ETFA: variants seen among roughly 807,000 people sequenced by gnomAD.
The protein encoded by ETFA is electron transfer flavoprotein subunit alpha, mitochondrial.
Under a neutral mutation model 46.2 loss-of-function variants are expected in ETFA, and 22 were observed. That is an observed-to-expected ratio of 0.48 (90% CI 0.34 to 0.68). The LOEUF (loss-of-function observed/expected upper bound fraction) is 0.68, where lower values mean the gene tolerates loss of function less well. ETFA is among the 30% of genes least tolerant of loss of function. The pLI is 0.01. For synonymous variants in ETFA, 131 were observed against 139.9 expected (o/e 0.94, Z 0.45); for missense variants, 345 against 401.1 (o/e 0.86, Z 1.19).
rs1157687784 is a variant in ETFA, at chr15:76,295,936, C to CTTTTTTTTTTTTT, written c.40-212_40-200dup. ...TGTCTATCACTGTACCACTAATATT[C>CTTTTTTTTTTTTT]TTTTTTTTTTTTTTTTTTTTTTTGA... On this transcript the variant is annotated intron_variant, in intron 1 of 11. Coordinates refer to ENST00000557943, the MANE Select transcript of ETFA (RefSeq NM_000126.4). Among the ~76,000 whole-genome samples, 25 of 46,600 alleles carry CTTTTTTTTTTTTT rather than the reference C, an allele frequency of 5.4e-4. 4 individuals are homozygous for CTTTTTTTTTTTTT. The highest frequency in any genetic ancestry group is 8.1e-4 in the Admixed American group (2 of 2,472). The allele number at this position is 46,600 out of a possible 152,430, so 30.6% of individuals were successfully genotyped here. A position where few individuals can be genotyped will look rare whatever the true frequency, so the allele number is the denominator to read the frequency against.
intron 9 of ETFA, among the ~76,000 whole-genome samples, chr15:76,256,262 G>GAAAAAAAA (rs59670988): frequency 2.1e-5 from 2 of 95,712 alleles, no homozygotes; most frequent in Non-Finnish European, 4.2e-5. Flanking sequence ...CCGTCTCAAG[G>GAAAAAAAA]AAAAAAAAAA....
intron 10 of ETFA, chr15:76,230,170 AT>A (rs1304680492): frequency 2.7e-5 from 4 of 149,022 alleles, no homozygotes; most frequent in Non-Finnish European, 5.9e-5. Flanking sequence ...TCTCAAAAAA[AT>A]AAATAAATAA....
intron 9 of ETFA, among the ~76,000 whole-genome samples, chr15:76,257,284 A>G (rs1175163694): frequency 6.6e-6 from 1 of 152,192 alleles, no homozygotes; most frequent in Non-Finnish European, 1.5e-5. Context: ...AGTTGGCACT[A>G]AAGTTCACCA....
intron 4 of ETFA, among the ~76,000 whole-genome samples, chr15:76,291,673 C>A (rs2039764704): frequency 6.6e-6 from 1 of 151,994 alleles, no homozygotes; most frequent in Non-Finnish European, 1.5e-5. Context: ...TGGCGTGAAC[C>A]CCGGGGGGCG....
intron 5 of ETFA, 162 bp downstream of exon 5, chr15:76,287,684 A>G (rs922909556): frequency 8.6e-6 from 5 of 583,102 alleles, no homozygotes; most frequent in Admixed American, 7.6e-5. Flanking sequence ...ATGCCATGTC[A>G]AGGGCCACCA....
intron 9 of ETFA, 21 bp downstream of exon 9, chr15:76,274,391 A>G: frequency 6.5e-7 from 1 of 1,549,868 alleles, no homozygotes; most frequent in Non-Finnish European, 8.9e-7. Flanking sequence ...TTTACACAGC[A>G]TATTTTATTG....
intron 9 of ETFA, among the ~76,000 whole-genome samples, chr15:76,265,969 T>C (rs1247915691): frequency 6.6e-6 from 1 of 152,108 alleles, no homozygotes; most frequent in African/African-American, 2.4e-5. Context: ...GGTGGAGCAA[T>C]GGCCACTGAA....
At chr15:76,222,307 ATAAT>A (rs1460837580) in intron 11 of ETFA, among the ~76,000 whole-genome samples, 1 of 147,002 alleles carries the variant, frequency 6.8e-6, no homozygotes, top group Non-Finnish European at 1.5e-5. Flanking sequence ...ATTAAGAAAT[ATAAT>A]TATACAAATA....
In ETFA at chr15:76,223,228, T is replaced by G. The variant is rs560694913; in HGVS notation, c.963+2621A>C. Among the ~76,000 whole-genome samples the G allele has an allele frequency of 2.4e-3, 365 of 150,304 alleles. 2 individuals carry two copies. The highest frequency in any genetic ancestry group is 8.4e-3 in the African/African-American group (345 of 41,096). ...CTGTACTTCAGAACTTTTTTTTTTT[T>G]TTTTTTTGAGACAGAGTCTTGCTCT... On this transcript the variant is annotated intron_variant, in intron 11 of 11. Transcript: ENST00000557943.
intron 9 of ETFA, among the ~76,000 whole-genome samples, chr15:76,271,867 G>A (rs933954514): frequency 6.6e-6 from 1 of 150,918 alleles, no homozygotes; most frequent in Non-Finnish European, 1.5e-5. Context: ...CATAAATTAC[G>A]TGTGTATATA....
intron 4 of ETFA, among the ~76,000 whole-genome samples, chr15:76,289,099 T>C (rs1046868829): frequency 6.6e-5 from 10 of 151,624 alleles, no homozygotes; most frequent in African/African-American, 1.7e-4. Flanking sequence ...TTTTGGTTTA[T>C]GTTTTGTTTT....
At chr15:76,226,601 G>A (rs1230183925) in intron 10 of ETFA, among the ~76,000 whole-genome samples, 6 of 149,226 alleles carry the variant, frequency 4.0e-5, no homozygotes, top group Middle Eastern at 3.8e-3. Flanking sequence ...TAAATAGGCC[G>A]GGCACGGTGG....
At position 76,226,070 on chromosome 15, in the gene ETFA, A is replaced by G; in HGVS notation, c.883-141T>C. The G allele has an allele frequency of 8.0e-6, 5 of 623,324 alleles. No individual in the cohort carries two copies. The South Asian group carries it at 9.6e-5, about 12-fold the overall frequency. The allele number at this position is 623,324 out of a possible 1,614,324, so 38.6% of individuals were successfully genotyped here. A position where few individuals can be genotyped will look rare whatever the true frequency, so the allele number is the denominator to read the frequency against. On this transcript the variant is annotated intron_variant, in intron 10 of 11. Coordinates refer to ENST00000557943, the MANE Select transcript of ETFA (RefSeq NM_000126.4). ...TTGAGGCATCTGTGTCAACACTGTA[A>G]ATTTATTAGAAATTTCCAGGTTGGA...
chr15:76,307,184 G>A lies in ETFA; in HGVS notation c.39+4166C>T, dbSNP rs2460156. 6.6e-3 allele frequency among the ~76,000 whole-genome samples: 1,010 copies of A among 152,208 alleles called. 11 individuals are homozygous for A. The highest frequency in any genetic ancestry group is 0.023 in the African/African-American group (940 of 41,532). On this transcript the variant is annotated intron_variant, in intron 1 of 11. Transcript: ENST00000557943. ...ATTCTTCAATAAATCAATTTCAAGA[G>A]CAAATTAATAAATAACAATAATTAG...
chr15:76,262,474 CTTTTTTTTTTTT>C (rs60480510), intron 9 of ETFA, among the ~76,000 whole-genome samples: 1 of 84,688 alleles, frequency 1.2e-5, no homozygotes, highest in African/African-American at 4.3e-5. Flanking sequence ...ATCAAACCCC[CTTTTTTTTTTTT>C]TTTTTTTTTT....
chr15:76,239,423 A>T (rs186873824), intron 9 of ETFA, among the ~76,000 whole-genome samples: 1 of 152,300 alleles, frequency 6.6e-6, no homozygotes, highest in Admixed American at 6.5e-5. Flanking sequence ...TCTCTTAGCA[A>T]ATCTTAAGTA....
chr15:76,295,788 T>G (rs756086777), intron 1 of ETFA, 51 bp from the exon 2 acceptor site: 160 of 1,003,462 alleles, frequency 1.6e-4, no homozygotes, highest in Non-Finnish European at 2.0e-4. Context: ...GTCACAGGGT[T>G]TTTTTTTTTT....
chr15:76,292,569 T>C, intron 3 of ETFA, 50 bp downstream of exon 3: 5 of 1,581,210 alleles, frequency 3.2e-6, no homozygotes, highest in Non-Finnish European at 4.3e-6. Flanking sequence ...CATATTCATA[T>C]ATTCAAGCGT....
At position 76,216,541 on chromosome 15, in the gene ETFA, T is replaced by C. The variant is rs763013799; in HGVS notation, c.*18A>G. 1.3e-6 allele frequency: 2 copies of C among 1,492,632 alleles called. No homozygotes were observed. Among genetic ancestry groups the C allele is most frequent in the East Asian group, 4.5e-5 (2 of 44,360 alleles). The allele number at this position is 1,492,632 out of a possible 1,614,324, so 92.5% of individuals were successfully genotyped here. A position where few individuals can be genotyped will look rare whatever the true frequency, so the allele number is the denominator to read the frequency against. Reference sequence around the variant, plus strand: ...GAATACTTTAACAAAAGTTTTCTTTTTAAGGCATGATCCTGATTCATTTTT... The same window carrying C: ...GAATACTTTAACAAAAGTTTTCTTTCTAAGGCATGATCCTGATTCATTTTT... On this transcript the variant is annotated 3_prime_UTR_variant, in exon 12 of 12. Transcript: ENST00000557943.
Sources: gnomAD v4.1 joint callset for allele counts (sites outside exome capture counted in the v4.1 genomes callset) on GRCh38, gnomAD v4.1.1 for gene constraint, MANE v1.5 for transcripts, NCBI Gene and HGNC (gene_info 2026-07-23, HGNC 2026-07-21) for gene names.